Variants in CMTM4 observed in about 807,000 individuals in gnomAD.
The protein encoded by CMTM4 is CKLF like MARVEL transmembrane domain containing 4.
A neutral mutation model predicts 19.0 loss-of-function variants in CMTM4; 8 were observed. That is an observed-to-expected ratio of 0.42 (90% confidence interval 0.25 to 0.76). The LOEUF (loss-of-function observed/expected upper bound fraction) is 0.76, where lower values mean the gene tolerates loss of function less well. CMTM4 is among the 30% of genes least tolerant of loss of function. The pLI is 0.27. For missense variants in CMTM4, 228 were observed against 290.2 expected (o/e 0.79, Z 1.56); for synonymous variants, 106 against 121.1 (o/e 0.88, Z 0.82).
At position 66,617,336 on chromosome 16, in the gene CMTM4, T is replaced by A; in HGVS notation, c.*4722A>T. 1 of 1,614,034 alleles carries A rather than the reference T, an allele frequency of 6.2e-7. No homozygotes were observed. Among genetic ancestry groups the A allele is most frequent in the Middle Eastern group, 1.6e-4 (1 of 6,062 alleles). ...TTTGTGGGTGATTTTTTCCTTACTG[T>A]TACGTTTGTGGAGTAGGAAAAACTA... On this transcript the variant is annotated 3_prime_UTR_variant, in exon 4 of 4. Coordinates refer to ENST00000394106, the MANE Select transcript of CMTM4 (RefSeq NM_181521.3).
Position 66,619,568 on chromosome 16 carries a change from C to T in CMTM4, c.*2490G>A, listed in dbSNP as rs1318757459. 3 of 985,280 alleles carry T rather than the reference C, an allele frequency of 3.0e-6. No individual in the cohort carries two copies. Among genetic ancestry groups the T allele is most frequent in the South Asian group, 4.7e-5 (1 of 21,272 alleles). The allele number at this position is 985,280 out of a possible 1,614,324, so 61.0% of individuals were successfully genotyped here. On this transcript the variant is annotated 3_prime_UTR_variant, in exon 4 of 4. Coordinates refer to ENST00000394106, the MANE Select transcript of CMTM4 (RefSeq NM_181521.3). ...AGGTCATTTTAAGGCCCCCAGATAT[C>T]GATTGTCTTCTGTTTGCATATAGAG...
chr16:66,679,280 C>G (rs1170748183), intron 1 of CMTM4, among the ~76,000 whole-genome samples: 1 of 152,134 alleles, frequency 6.6e-6, no homozygotes, highest in Non-Finnish European at 1.5e-5. Context: ...TCAATTTTCA[C>G]TTCTTTACCC....
At chr16:66,668,724 T>C (rs2016649150) in intron 1 of CMTM4, among the ~76,000 whole-genome samples, 1 of 152,300 alleles carries the variant, frequency 6.6e-6, no homozygotes, top group Non-Finnish European at 1.5e-5. Context: ...ACCATGAGTT[T>C]TGAAGAGTTG....
chr16:66,678,115 G>A (rs2016840342), intron 1 of CMTM4, among the ~76,000 whole-genome samples: 1 of 152,144 alleles, frequency 6.6e-6, no homozygotes, highest in Non-Finnish European at 1.5e-5. Context: ...AATTCAAGGT[G>A]CAGTGAGCCA....
chr16:66,623,478 C>T lies in CMTM4; in HGVS notation c.388G>A (p.Ala130Thr), dbSNP rs764170070. 13 of 1,613,694 alleles carry T rather than the reference C, an allele frequency of 8.1e-6. No homozygotes were observed. Among genetic ancestry groups the T allele is most frequent in the East Asian group, 2.2e-5 (1 of 44,864 alleles). Residue 130 changes from alanine to threonine, a missense_variant, in exon 3 of 4, where the codon GCT becomes ACT. Around this residue, in one of 3 missense-constraint regions of CMTM4, gnomAD observed 200 missense variants for 226.6 expected, o/e 0.88. Transcript: ENST00000394106. ...LTDLVNTGLS[A>T]FLFFIASIVL... is the part of the protein sequence containing the mutation. ...ATTGAAGCAATAAAGAAAAGGAAAG[C>T]GCTGAGTCCAGTGTTGACCAAATCC...
intron 1 of CMTM4, among the ~76,000 whole-genome samples, chr16:66,671,034 C>T (rs1423225712): frequency 6.6e-6 from 1 of 152,116 alleles, no homozygotes; most frequent in Non-Finnish European, 1.5e-5. Context: ...AAACAAGGGA[C>T]ACAAATTTTT....
At chr16:66,683,194 C>CACACAT (rs1555502531) in intron 1 of CMTM4, among the ~76,000 whole-genome samples, 1 of 107,720 alleles carries the variant, frequency 9.3e-6, no homozygotes, top group African/African-American at 4.0e-5. Flanking sequence ...TATATATATA[C>CACACAT]ATATATATAT....
At chr16:66,650,799 G>A (rs1164978679) in intron 1 of CMTM4, among the ~76,000 whole-genome samples, 1 of 152,092 alleles carries the variant, frequency 6.6e-6, no homozygotes, top group East Asian at 1.9e-4. Context: ...GCTTTGTCAC[G>A]TCATGCACAA....
chr16:66,618,430 G>A lies in CMTM4; in HGVS notation c.*3628C>T. On this transcript the variant is annotated 3_prime_UTR_variant, in exon 4 of 4. Coordinates refer to ENST00000394106, the MANE Select transcript of CMTM4 (RefSeq NM_181521.3). ...CACTAAATTGTTCAGGTGTCTCCAT[G>A]CTCTATTCATCTCCTAGGTGCTAAG... The A allele has an allele frequency of 1.0e-6, 1 of 985,442 alleles. No homozygotes were observed. The highest frequency in any genetic ancestry group is 1.2e-6 in the Non-Finnish European group (1 of 829,954). 61.0% of individuals were successfully genotyped at this position (985,442 alleles called of 1,614,324 possible). A position where few individuals can be genotyped will look rare whatever the true frequency, so the allele number is the denominator to read the frequency against.
chr16:66,688,337 T>C (rs1208005606), intron 1 of CMTM4, among the ~76,000 whole-genome samples: 1 of 152,194 alleles, frequency 6.6e-6, no homozygotes, highest in Admixed American at 6.6e-5. Context: ...CGTGGTGTCT[T>C]GAGACGCTGA....
At chr16:66,659,426 G>A (rs1007278847) in intron 1 of CMTM4, among the ~76,000 whole-genome samples, 2 of 151,744 alleles carry the variant, frequency 1.3e-5, no homozygotes, top group African/African-American at 4.8e-5. Context: ...GGCCAAAATG[G>A]GAAATCTATA....
At position 66,615,017 on chromosome 16, in the gene CMTM4, T is replaced by G. The variant is rs972396708; in HGVS notation, c.*7041A>C. 6.6e-6 allele frequency: 1 copy of G among 152,212 alleles called. No homozygotes were observed. Among genetic ancestry groups the G allele is most frequent in the African/African-American group, 2.4e-5 (1 of 41,444 alleles). 9.4% of individuals were successfully genotyped at this position (152,212 alleles called of 1,614,324 possible). On this transcript the variant is annotated 3_prime_UTR_variant, in exon 4 of 4. Coordinates refer to ENST00000394106, the MANE Select transcript of CMTM4 (RefSeq NM_181521.3). The surrounding 1 kb of genome is among the most constrained non-coding windows in gnomAD (Gnocchi z 4.9). ...CCAACCCACTCCATACATACAGACT[T>G]GAACCCAAAAGCCAGGCCAGCCAGG...
downstream of CMTM4, chr16:66,612,970 G>A (rs1251449660): frequency 5.8e-6 from 4 of 687,226 alleles, no homozygotes; most frequent in Non-Finnish European, 8.0e-6. The surrounding 1 kb of genome is among the most constrained non-coding windows in gnomAD (Gnocchi z 6.0). Flanking sequence ...CTGGGCAGCA[G>A]GTGTTCCATG....
intron 2 of CMTM4, among the ~76,000 whole-genome samples, chr16:66,623,956 G>A (rs2015688030): frequency 1.3e-5 from 2 of 152,124 alleles, no homozygotes; most frequent in Admixed American, 1.3e-4. Context: ...CAGACTTCAC[G>A]CTCTTTCTCA....
In CMTM4 at chr16:66,617,433, A is replaced by G. The variant is rs1013089623; in HGVS notation, c.*4625T>C. The G allele has an allele frequency of 1.9e-6, 3 of 1,549,186 alleles. No homozygotes were observed. The highest frequency in any genetic ancestry group is 2.0e-5 in the Admixed American group (1 of 50,974). On this transcript the variant is annotated 3_prime_UTR_variant, in exon 4 of 4. Transcript: ENST00000394106. ...AAAAAGAATATATTCCAGACAAAAGAAGGGAAAATACAATAGGACCCACTC... is the reference window on the plus strand; with the variant it reads ...AAAAAGAATATATTCCAGACAAAAGGAGGGAAAATACAATAGGACCCACTC...
chr16:66,692,631 C>T (rs963025019), intron 1 of CMTM4, among the ~76,000 whole-genome samples: 1 of 152,188 alleles, frequency 6.6e-6, no homozygotes, highest in East Asian at 1.9e-4. Flanking sequence ...TACAGCCCAA[C>T]GCAGGGGCTC....
chr16:66,606,949 G>A, the CMTM4 span, among the ~76,000 whole-genome samples: 6 of 152,208 alleles, frequency 3.9e-5, no homozygotes, highest in African/African-American at 1.2e-4. Context: ...AACTGAGATC[G>A]TGCCACTGCA....
chr16:66,688,970 T>C (rs903636805), intron 1 of CMTM4, among the ~76,000 whole-genome samples: 1 of 152,372 alleles, frequency 6.6e-6, no homozygotes, highest in East Asian at 1.9e-4. Flanking sequence ...AAAAATACTA[T>C]TGGTTATCGT....
intron 2 of CMTM4, among the ~76,000 whole-genome samples, chr16:66,627,942 C>A (rs923972066): frequency 6.6e-6 from 1 of 152,048 alleles, no homozygotes; most frequent in African/African-American, 2.4e-5. Context: ...AAGAGGAATG[C>A]GGTAGGAGAA....
Sources: gnomAD v4.1 joint callset for allele counts (sites outside exome capture counted in the v4.1 genomes callset) on GRCh38, gnomAD v4.1.1 for gene constraint, gnomAD v4.1.1 regional missense constraint, Gnocchi (gnomAD v3.1) non-coding constraint, MANE v1.5 for transcripts, NCBI Gene and HGNC (gene_info 2026-07-23, HGNC 2026-07-21) for gene names.